The following NRIP3 variants were observed in gnomAD, a reference collection of about 807,000 sequenced individuals.
NRIP3 encodes nuclear receptor-interacting protein 3.
NRIP3 carries 31 observed loss-of-function variants against 29.0 expected under a neutral mutation model. The ratio of observed to expected loss-of-function variants is 1.07; its 90% CI spans 0.80 to 1.44. NRIP3 has a LOEUF of 1.44. Among genes scored for constraint, NRIP3 ranks in the 40% most tolerant of loss-of-function variants. The pLI, the probability that NRIP3 is intolerant of heterozygous loss-of-function variation, is 0.00. For synonymous variants in NRIP3, 131 were observed against 118.3 expected, an observed-to-expected ratio of 1.11 and a Z score of -0.70; for missense variants, 314 against 297.9, an observed-to-expected ratio of 1.05 and a Z score of -0.40.
At chr11:8,999,404 T>A (rs1854760307) in intron 1 of NRIP3, among the ~76,000 whole-genome samples, 1 of 152,204 alleles carries the variant, frequency 6.6e-6, no homozygotes, top group Non-Finnish European at 1.5e-5. Context: ...CTGCTTCATC[T>A]ACTCTTGCCC....
intron 1 of NRIP3, among the ~76,000 whole-genome samples, chr11:8,999,628 T>G (rs912643286): frequency 8.5e-5 from 13 of 152,196 alleles, no homozygotes; most frequent in Non-Finnish European, 1.5e-4. Flanking sequence ...CTACTACATC[T>G]CTGATGTTAT....
rs141824219 is a variant in NRIP3, at chr11:9,002,147, G to A, written c.174+1615C>T. Among the ~76,000 whole-genome samples, 83 of 152,286 alleles carry A rather than the reference G, an allele frequency of 5.5e-4. 1 individual carries two copies. The East Asian group carries it at 0.014, about 26-fold the overall frequency. On this transcript the variant is annotated intron_variant, in intron 1 of 6. Transcript: ENST00000309166. ...CAGGGCTAGGAAACTCCTCGACAAC[G>A]AGGGACAACCAAATCCAGCATTTAA...
At position 8,983,574 on chromosome 11, in the gene NRIP3, T is replaced by C; in HGVS notation, c.711-14A>G. On this transcript the variant is annotated splice_polypyrimidine_tract_variant and intron_variant, in intron 6 of 6. Transcript: ENST00000309166. The stretch of plus-strand genomic sequence containing the variant: ...GCTTCTGAAGTGCTGAAATGAGAAA[T>C]AAATATCAGGAGAAATAATGCCAAA... The C allele has an allele frequency of 1.2e-6, 2 of 1,612,820 alleles. No individual in the cohort carries two copies. The highest frequency in any genetic ancestry group is 1.7e-6 in the Non-Finnish European group (2 of 1,179,160).
intron 1 of NRIP3, among the ~76,000 whole-genome samples, chr11:9,002,777 T>C (rs1175282294): frequency 6.6e-6 from 1 of 152,120 alleles, no homozygotes; most frequent in African/African-American, 2.4e-5. Context: ...TAAAAGACAT[T>C]TAATTAGTGT....
rs2568044 is a variant in NRIP3 at position 8,980,930 on chromosome 11, T to C, written c.*2615A>G. ...AAAACCAATATTTTTCAAACTCTGT[T>C]ATTTGAGATAGACATCTAATAAGGA... On this transcript the variant is annotated 3_prime_UTR_variant, in exon 7 of 7. Coordinates refer to ENST00000309166, the MANE Select transcript of NRIP3 (RefSeq NM_020645.3). 93,290 of 152,114 alleles carry C rather than the reference T, an allele frequency of 0.61. 32,343 individuals are homozygous for C. The highest frequency in any genetic ancestry group is 0.77 in the Non-Finnish European group (52,361 of 67,998). 9.4% of individuals were successfully genotyped at this position (152,114 alleles called of 1,614,324 possible). A position where few individuals can be genotyped will look rare whatever the true frequency, so the allele number is the denominator to read the frequency against.
chr11:8,988,943 A>G (rs1396584990), intron 1 of NRIP3, among the ~76,000 whole-genome samples: 2 of 152,204 alleles, frequency 1.3e-5, no homozygotes, highest in African/African-American at 4.8e-5. Flanking sequence ...CACAAGAATC[A>G]TCGATGCTGG....
At position 8,988,206 on chromosome 11, in the gene NRIP3, C is replaced by G. The variant is rs1358021818; in HGVS notation, c.251G>C (p.Trp84Ser). 2.5e-6 allele frequency: 4 copies of G among 1,614,116 alleles called. No homozygotes were observed. The East Asian group carries it at 8.9e-5, about 36-fold the overall frequency. ...ATTGAGTTTGTTCGTCTTAGAGGCC[C>G]AAGGGACACGGGGACCGCTTCGGAG... Reference protein sequence around the residue: ...SKLRSGPRVPWASKTNKLNQA... With the variant: ...SKLRSGPRVPSASKTNKLNQA... The change falls in exon 2 of 7, where the codon TGG becomes TCG. Residue 84 changes from tryptophan (W) to serine (S), a missense_variant. Trp to Ser is a radical substitution (Grantham distance 177). Coordinates refer to ENST00000309166, the MANE Select transcript of NRIP3 (RefSeq NM_020645.3).
At position 8,996,275 on chromosome 11, in the gene NRIP3, CTTTTTT is replaced by C. The variant is rs386373056; in HGVS notation, c.174+7481_174+7486del. Among the ~76,000 whole-genome samples the C allele has an allele frequency of 3.7e-4, 31 of 82,958 alleles. 3 individuals are homozygous for C. The South Asian group carries it at 5.5e-3, about 15-fold the overall frequency. 54.4% of individuals were successfully genotyped at this position (82,958 alleles called of 152,430 possible). A position where few individuals can be genotyped will look rare whatever the true frequency, so the allele number is the denominator to read the frequency against. The stretch of plus-strand genomic sequence containing the variant: ...TCTTTCTTCAAAAAGCCTTTTTTTC[CTTTTTT>C]TTTTTTTTTTTTTTTTTTGAGATGG... On this transcript the variant is annotated intron_variant, in intron 1 of 6. Coordinates refer to ENST00000309166, the MANE Select transcript of NRIP3 (RefSeq NM_020645.3).
At position 8,985,704 on chromosome 11, in the gene NRIP3, T is replaced by C; in HGVS notation, c.562+7A>G. ...GGTCCATAGGTCCAGCCCTCAATTC[T>C]GCTTACCAACCACAGCTGCTGGGCA... On this transcript the variant is annotated splice_region_variant and intron_variant, in intron 4 of 6. Coordinates refer to ENST00000309166, the MANE Select transcript of NRIP3 (RefSeq NM_020645.3). The C allele has an allele frequency of 6.2e-7, 1 of 1,613,480 alleles. No homozygotes were observed. Among genetic ancestry groups the C allele is most frequent in the Non-Finnish European group, 8.5e-7 (1 of 1,179,922 alleles).
chr11:8,983,939 T>A lies in NRIP3; in HGVS notation c.646A>T (p.Ile216Phe), dbSNP rs1854464151. The A allele has an allele frequency of 6.2e-7, 1 of 1,614,126 alleles. No individual in the cohort carries two copies. Among genetic ancestry groups the A allele is most frequent in the Non-Finnish European group, 8.5e-7 (1 of 1,180,046 alleles). Residue 216 changes from isoleucine to phenylalanine, a missense_variant, in exon 6 of 7, where the codon ATC becomes TTC. By Grantham distance (21) the Ile-to-Phe change is conservative. Transcript: ENST00000309166. Reference protein sequence around the residue: ...CIINLDKHRLIMGKTDKEEIP... With the variant: ...CIINLDKHRLFMGKTDKEEIP... ...TCTTCCTTGTCTGTCTTCCCCATGA[T>A]CAGCCGGTGCTTATCCAAGTTTATG... is the stretch of plus-strand genomic sequence containing the variant.
intron 1 of NRIP3, among the ~76,000 whole-genome samples, chr11:8,993,601 G>A (rs1195053139): frequency 2.0e-5 from 3 of 152,066 alleles, no homozygotes; most frequent in Non-Finnish European, 2.9e-5. Context: ...TTGAGCCCAG[G>A]AGTTCAAGAC....
chr11:8,984,331 C>T (rs1016890641), intron 4 of NRIP3, among the ~76,000 whole-genome samples: 2 of 151,748 alleles, frequency 1.3e-5, no homozygotes, highest in Non-Finnish European at 2.9e-5. Context: ...GGCGCAATCT[C>T]GGCTCACTGC....
Position 8,985,737 on chromosome 11 carries a change from C to T in NRIP3, c.536G>A (p.Arg179His), listed in dbSNP as rs746688592. 28 of 1,613,918 alleles carry T rather than the reference C, an allele frequency of 1.7e-5. No individual in the cohort carries two copies. Among genetic ancestry groups the T allele is most frequent in the Middle Eastern group, 1.7e-4 (1 of 6,006 alleles). Residue 179 changes from arginine to histidine, a missense_variant, in exon 4 of 7, where the codon CGC (arginine) becomes CAC (histidine). Arg to His is a conservative substitution (Grantham distance 29, BLOSUM62 0). Transcript: ENST00000309166. ...EHLVITLGSL[R>H]LDCPAAVVDD... Reference sequence around the variant, plus strand: ...AACCACAGCTGCTGGGCAGTCCAGGCGGAGGGAGCCCAGTGTGATCACTAG... The same window carrying T: ...AACCACAGCTGCTGGGCAGTCCAGGTGGAGGGAGCCCAGTGTGATCACTAG...
intron 1 of NRIP3, among the ~76,000 whole-genome samples, chr11:9,000,706 A>T (rs1854778469): frequency 6.6e-6 from 1 of 152,180 alleles, no homozygotes; most frequent in Admixed American, 6.5e-5. Flanking sequence ...TGGTAGCTAA[A>T]ACAAGATAAA....
intron 1 of NRIP3, among the ~76,000 whole-genome samples, chr11:8,992,505 C>T (rs914663898): frequency 2.0e-5 from 3 of 152,104 alleles, no homozygotes; most frequent in Non-Finnish European, 2.9e-5. Context: ...ACAAAGATTC[C>T]ACAAGATTCC....
chr11:8,985,164 A>ATTTTTT (rs35528175), intron 4 of NRIP3, among the ~76,000 whole-genome samples: 1 of 79,376 alleles, frequency 1.3e-5, no homozygotes, highest in Non-Finnish European at 2.4e-5. Flanking sequence ...TGCTCCTTGA[A>ATTTTTT]TTTTTTTTTT....
Position 8,988,065 on chromosome 11 carries a change from C to A in NRIP3, c.339+53G>T. On this transcript the variant is annotated intron_variant, in intron 2 of 6. Coordinates refer to ENST00000309166, the MANE Select transcript of NRIP3 (RefSeq NM_020645.3). ...ACTCTATAAAGTCAGGAGGAGAGGG[C>A]CCCACATCCTACTTTCCAGAAAACC... 5 of 1,564,272 alleles carry A rather than the reference C, an allele frequency of 3.2e-6. No homozygotes were observed. In the South Asian group the frequency reaches 4.5e-5, roughly 14 times the overall value.
At position 8,983,979 on chromosome 11, in the gene NRIP3, G is replaced by A. The variant is rs371859422; in HGVS notation, c.616-10C>T. 7.5e-5 allele frequency: 121 copies of A among 1,612,306 alleles called. No individual in the cohort carries two copies. Among genetic ancestry groups the A allele is most frequent in the African/African-American group, 7.1e-4 (53 of 74,986 alleles). On this transcript the variant is annotated splice_polypyrimidine_tract_variant and intron_variant, in intron 5 of 6. Coordinates refer to ENST00000309166, the MANE Select transcript of NRIP3 (RefSeq NM_020645.3). The stretch of plus-strand genomic sequence containing the variant: ...CCAAGTTTATGATGCACTGAAAACA[G>A]GTAACTTGTCAGTGATACCACTATG...
intron 4 of NRIP3, among the ~76,000 whole-genome samples, chr11:8,985,111 A>G (rs892923682): frequency 6.6e-6 from 1 of 150,712 alleles, no homozygotes. Context: ...TTGGCCCCCC[A>G]AAGTGCTGGG....
Sources: gnomAD v4.1 joint callset for allele counts (sites outside exome capture counted in the v4.1 genomes callset) on GRCh38, gnomAD v4.1.1 for gene constraint, MANE v1.5 for transcripts, NCBI Gene and HGNC (gene_info 2026-07-23, HGNC 2026-07-21) for gene names.